Variants in CSMD3 observed in about 807,000 individuals in gnomAD.
CSMD3 encodes the protein CUB and sushi domain-containing protein 3.
Under a neutral mutation model 435.2 loss-of-function variants are expected in CSMD3, and 177 were observed. The observed-to-expected ratio is 0.41, with a 90% CI of 0.36 to 0.46. The LOEUF (loss-of-function observed/expected upper bound fraction) is 0.46. CSMD3 is among the 20% of genes least tolerant of loss of function. CSMD3 has a pLI of 0.34. For missense variants in CSMD3, 4,265 were observed against 4,504.6 expected (o/e 0.95, Z 1.52); for synonymous variants, 1,656 against 1,520.5 (o/e 1.09, Z -2.07).
At chr8:112,322,927 A>C (rs2130883970) in intron 45 of CSMD3, among the ~76,000 whole-genome samples, 1 of 152,164 alleles carries the variant, frequency 6.6e-6, no homozygotes, top group African/African-American at 2.4e-5. Context: ...AATATTTGCT[A>C]ATAACTGACA....
intron 10 of CSMD3, among the ~76,000 whole-genome samples, chr8:112,876,515 A>G (rs1388333569): frequency 6.6e-6 from 1 of 152,212 alleles, no homozygotes; most frequent in East Asian, 1.9e-4. Flanking sequence ...TTGGGATGCA[A>G]GGCTGGTTCA....
chr8:112,745,344 A>C (rs1269444349), intron 13 of CSMD3, among the ~76,000 whole-genome samples: 1 of 152,102 alleles, frequency 6.6e-6, no homozygotes, highest in East Asian at 1.9e-4. Flanking sequence ...GAGAAAAAAT[A>C]GTTTCTACTA....
intron 5 of CSMD3, among the ~76,000 whole-genome samples, chr8:113,052,816 A>G (rs571670154): frequency 6.6e-6 from 1 of 152,290 alleles, no homozygotes; most frequent in South Asian, 2.1e-4. Context: ...CACTTGTGTT[A>G]CTGCATAACT....
rs142713702 is a variant in CSMD3 at position 113,199,217 on chromosome 8, G to C, written c.515-25301C>G. On this transcript the variant is annotated intron_variant, in intron 3 of 70. Transcript: ENST00000297405. ...CAAAATGTCAATGACTAAAAGACAGGAACTTATAAATAAGTTATATTTTAG... is the reference window on the plus strand; with the variant it reads ...CAAAATGTCAATGACTAAAAGACAGCAACTTATAAATAAGTTATATTTTAG... 3.2e-3 allele frequency among the ~76,000 whole-genome samples: 480 copies of C among 151,212 alleles called. 2 individuals are homozygous for C. Among genetic ancestry groups the C allele is most frequent in the African/African-American group, 9.7e-3 (403 of 41,374 alleles).
chr8:112,610,667 C>A (rs1305237096), intron 22 of CSMD3, among the ~76,000 whole-genome samples: 1 of 151,844 alleles, frequency 6.6e-6, no homozygotes, highest in African/African-American at 2.4e-5. Flanking sequence ...GGTCTTTTTT[C>A]CTAACGCTTT....
intron 37 of CSMD3, among the ~76,000 whole-genome samples, chr8:112,382,230 G>C (rs1293401280): frequency 6.8e-6 from 1 of 146,266 alleles, no homozygotes; most frequent in Non-Finnish European, 1.5e-5. Flanking sequence ...GCTGCAGTGA[G>C]CTATGATTGC....
intron 6 of CSMD3, among the ~76,000 whole-genome samples, chr8:113,009,026 C>T (rs150585870): frequency 1.7e-3 from 252 of 150,972 alleles, no homozygotes; most frequent in African/African-American, 6.0e-3. Flanking sequence ...ATATTTTTGC[C>T]ATATTGCTTA....
At chr8:112,404,942 C>A (rs1252905217) in intron 35 of CSMD3, among the ~76,000 whole-genome samples, 1 of 151,102 alleles carries the variant, frequency 6.6e-6, no homozygotes, top group African/African-American at 2.4e-5. Context: ...TTCTGGGAGG[C>A]CGAGGGGGGT....
chr8:112,812,500 T>C (rs770823647), intron 12 of CSMD3, among the ~76,000 whole-genome samples: 1 of 152,156 alleles, frequency 6.6e-6, no homozygotes, highest in Admixed American at 6.5e-5. Context: ...GTAGCCTGCT[T>C]GGCCCTTTTC....
Position 112,269,768 on chromosome 8 carries a change from A to G in CSMD3, c.9509-4178T>C, listed in dbSNP as rs182267375. On this transcript the variant is annotated intron_variant, in intron 59 of 70. Transcript: ENST00000297405. ...GAACATCATAGAAAATAACTTCACT[A>G]CATTTTAAATCAAGGAATTGATTTG... 6.9e-3 allele frequency among the ~76,000 whole-genome samples: 1,047 copies of G among 152,310 alleles called. 9 individuals carry two copies. The highest frequency in any genetic ancestry group is 0.011 in the Admixed American group (172 of 15,302).
intron 11 of CSMD3, among the ~76,000 whole-genome samples, chr8:112,832,647 G>T (rs1043617915): frequency 8.5e-5 from 13 of 152,120 alleles, no homozygotes; most frequent in African/African-American, 3.1e-4. Flanking sequence ...CTGACAACAA[G>T]TGAGCTTGGA....
At chr8:113,399,361 C>T (rs2094499206) in intron 1 of CSMD3, among the ~76,000 whole-genome samples, 2 of 151,038 alleles carry the variant, frequency 1.3e-5, no homozygotes, top group Non-Finnish European at 1.5e-5. Flanking sequence ...TCACAGAAAA[C>T]CTCGTATGCA....
At position 113,120,405 on chromosome 8, in the gene CSMD3, T is replaced by C. The variant is rs558009599; in HGVS notation, c.710-21442A>G. On this transcript the variant is annotated intron_variant, in intron 4 of 70. Transcript: ENST00000297405. ...ATTTATATGCATGTTTTATTATTTA[T>C]TCTAAGCTTAGTGTCTGTATTTTTG... Among the ~76,000 whole-genome samples, 24 of 152,312 alleles carry C rather than the reference T, an allele frequency of 1.6e-4. No homozygotes were observed. The South Asian group carries it at 4.8e-3, about 30-fold the overall frequency.
chr8:112,342,777 G>T (rs950532531), intron 41 of CSMD3, among the ~76,000 whole-genome samples: 6 of 151,592 alleles, frequency 4.0e-5, no homozygotes, highest in African/African-American at 1.2e-4. Context: ...ATTTAAAACA[G>T]GGTTTAAAAT....
intron 4 of CSMD3, among the ~76,000 whole-genome samples, chr8:113,118,184 G>A (rs191005236): frequency 2.6e-4 from 39 of 152,160 alleles, no homozygotes; most frequent in African/African-American, 7.2e-4. Flanking sequence ...TTTTTTTACC[G>A]TTGTCTCATT....
At chr8:113,347,425 G>C (rs2094159604) in intron 1 of CSMD3, among the ~76,000 whole-genome samples, 1 of 152,124 alleles carries the variant, frequency 6.6e-6, no homozygotes. Flanking sequence ...GGCGTGTAAA[G>C]GTGAAAATCA....
intron 35 of CSMD3, among the ~76,000 whole-genome samples, chr8:112,400,045 G>A (rs552777753): frequency 1.4e-4 from 22 of 152,068 alleles, no homozygotes; most frequent in Non-Finnish European, 2.1e-4. Flanking sequence ...CTGCTGCCAC[G>A]TATTTAGGTT....
chr8:112,248,408 G>A (rs1238850894), intron 63 of CSMD3, among the ~76,000 whole-genome samples: 2 of 152,070 alleles, frequency 1.3e-5, no homozygotes, highest in Non-Finnish European at 2.9e-5. Flanking sequence ...GATAAAAACT[G>A]TACTAACTTG....
At chr8:113,242,600 A>G (rs1248945649) in intron 3 of CSMD3, among the ~76,000 whole-genome samples, 2 of 152,068 alleles carry the variant, frequency 1.3e-5, no homozygotes, top group Non-Finnish European at 2.9e-5. Context: ...CTTTATTGTG[A>G]AAACTCATCC....
Sources: allele counts gnomAD v4.1 joint callset (sites outside exome capture counted in the v4.1 genomes callset), GRCh38; gene constraint gnomAD v4.1.1; transcripts MANE v1.5; gene names NCBI Gene and HGNC (gene_info 2026-07-23, HGNC 2026-07-21).